GNPTAB: variants seen among roughly 807,000 people sequenced by gnomAD.
GNPTAB encodes the protein N-acetylglucosamine-1-phosphotransferase subunits alpha/beta.
A neutral mutation model predicts 136.6 loss-of-function variants in GNPTAB; 92 were observed. The observed-to-expected ratio is 0.67, with a 90% CI of 0.57 to 0.80. The LOEUF is 0.80. GNPTAB is among the 30% of genes least tolerant of loss of function. GNPTAB has a pLI of 0.00. For synonymous variants in GNPTAB, 512 were observed against 535.1 expected (o/e 0.96, Z 0.60); for missense variants, 1,343 against 1,501.8 (o/e 0.89, Z 1.75).
chr12:101,751,167 G>A (rs749140537), intron 19 of GNPTAB, among the ~76,000 whole-genome samples: 5 of 151,980 alleles, frequency 3.3e-5, no homozygotes, highest in Admixed American at 1.3e-4. Context: ...CTTTTTTCTC[G>A]ACACAGGACT....
In GNPTAB at chr12:101,770,574, A is replaced by C. The variant is rs2137124308; in HGVS notation, c.945T>G (p.Asp315Glu). The change falls in exon 9 of 21, where the codon GAT becomes GAG. Residue 315 changes from aspartate (D) to glutamate (E), a missense_variant. Asp to Glu is a conservative substitution (Grantham distance 45, BLOSUM62 2). Coordinates refer to ENST00000299314, the MANE Select transcript of GNPTAB (RefSeq NM_024312.5). ...DLSAISQSKQ[D>E]EDISASRFED... ...CAAAACGACTGGCAGAGATGTCTTC[A>C]TCCTGCTTAGACTGAGAAAAACACT... 9 of 1,611,870 alleles carry C rather than the reference A, an allele frequency of 5.6e-6. No individual in the cohort carries two copies. Among genetic ancestry groups the C allele is most frequent in the Middle Eastern group, 1.7e-4 (1 of 6,058 alleles).
intron 5 of GNPTAB, among the ~76,000 whole-genome samples, chr12:101,780,961 G>A (rs1209054028): frequency 6.6e-6 from 1 of 152,202 alleles, no homozygotes; most frequent in African/African-American, 2.4e-5. Context: ...AGAAAGAATT[G>A]TTTGACTAGA....
At chr12:101,757,740 A>G (rs1489489805) in intron 16 of GNPTAB, 83 bp from the exon 17 acceptor site, 2 of 778,698 alleles carry the variant, frequency 2.6e-6, no homozygotes, top group Admixed American at 1.7e-5. Context: ...TCTGATTTTT[A>G]ACTTTGATTC....
intron 1 of GNPTAB, among the ~76,000 whole-genome samples, chr12:101,809,368 A>G (rs752760993): frequency 1.4e-4 from 22 of 152,270 alleles, no homozygotes; most frequent in Non-Finnish European, 2.8e-4. Flanking sequence ...TTTGGAAGAC[A>G]GTTTGTCAGT....
intron 5 of GNPTAB, among the ~76,000 whole-genome samples, chr12:101,781,080 G>C (rs1178147533): frequency 6.6e-6 from 1 of 152,178 alleles, no homozygotes; most frequent in Non-Finnish European, 1.5e-5. Flanking sequence ...TATGGATCTT[G>C]TGGTTCCTTA....
intron 1 of GNPTAB, among the ~76,000 whole-genome samples, chr12:101,823,546 G>A (rs1256959353): frequency 6.7e-6 from 1 of 148,428 alleles, no homozygotes; most frequent in Non-Finnish European, 1.5e-5. Context: ...GGAGGTGCAG[G>A]TTGCAGTGAG....
intron 5 of GNPTAB, chr12:101,785,674 C>G (rs1166962948): frequency 3.9e-6 from 1 of 259,496 alleles, no homozygotes; most frequent in African/African-American, 2.3e-5. Flanking sequence ...GTATGTTCTG[C>G]CCAAACTGCA....
Position 101,779,905 on chromosome 12 carries a change from AT to A in GNPTAB, c.771+246del. Reference sequence around the variant, plus strand: ...CCTGGTTACTACTTGGATGGGAGACATTGTAGGAGCTCATCTGTTAAACAAA... The same window carrying A: ...CCTGGTTACTACTTGGATGGGAGACATGTAGGAGCTCATCTGTTAAACAAA... On this transcript the variant is annotated intron_variant, in intron 7 of 20. Coordinates refer to ENST00000299314, the MANE Select transcript of GNPTAB (RefSeq NM_024312.5). 6 of 522,248 alleles carry A rather than the reference AT, an allele frequency of 1.1e-5. No homozygotes were observed. In the South Asian group the frequency reaches 1.2e-4, roughly 11 times the overall value. The allele number at this position is 522,248 out of a possible 1,614,324, so 32.4% of individuals were successfully genotyped here.
At chr12:101,787,395 A>G (rs1175757798) in intron 4 of GNPTAB, among the ~76,000 whole-genome samples, 1 of 152,262 alleles carries the variant, frequency 6.6e-6, no homozygotes, top group East Asian at 1.9e-4. Context: ...CCCACAGATT[A>G]TAAACTACAA....
At position 101,786,076 on chromosome 12, in the gene GNPTAB, A is replaced by C; in HGVS notation, c.507T>G (p.Asn169Lys). The C allele has an allele frequency of 6.2e-7, 1 of 1,614,174 alleles. No individual in the cohort carries two copies. Among genetic ancestry groups the C allele is most frequent in the Non-Finnish European group, 8.5e-7 (1 of 1,180,006 alleles). Residue 169 changes from asparagine (N) to lysine (K), a missense_variant, in exon 5 of 21, where the codon AAT (asparagine) becomes AAG (lysine). Transcript: ENST00000299314. ...PSFHSASDIFNVAKPKNPSTN... is the reference protein window; with the variant it reads ...PSFHSASDIFKVAKPKNPSTN... ...TAGAAGGGTTTTTTGGTTTTGCAACATTGAAAATGTCACTGGCAGAATGAA... is the reference window on the plus strand; with the variant it reads ...TAGAAGGGTTTTTTGGTTTTGCAACCTTGAAAATGTCACTGGCAGAATGAA...
chr12:101,810,424 C>CATAT (rs1870162059), intron 1 of GNPTAB: 1 of 109,050 alleles, frequency 9.2e-6, no homozygotes, highest in African/African-American at 3.9e-5. Flanking sequence ...TATATATATA[C>CATAT]ACACACATAC....
intron 18 of GNPTAB, among the ~76,000 whole-genome samples, chr12:101,754,892 C>A (rs973951881): frequency 2.0e-5 from 3 of 151,958 alleles, no homozygotes; most frequent in African/African-American, 7.3e-5. Context: ...CAGATTTATT[C>A]ATATACACAT....
chr12:101,830,004 CAAAAAAAAAA>C (rs35884808), intron 1 of GNPTAB, among the ~76,000 whole-genome samples: 3 of 106,166 alleles, frequency 2.8e-5, no homozygotes, highest in Non-Finnish European at 6.1e-5. Context: ...AACCTCCTAC[CAAAAAAAAAA>C]AAAAAAAAGA....
intron 1 of GNPTAB, among the ~76,000 whole-genome samples, chr12:101,827,498 A>C (rs1383290008): frequency 6.6e-6 from 1 of 152,050 alleles, no homozygotes; most frequent in Non-Finnish European, 1.5e-5. Flanking sequence ...AGTCTCCCAA[A>C]GTCCTGGGAT....
At chr12:101,825,684 G>A (rs1566103679) in intron 1 of GNPTAB, among the ~76,000 whole-genome samples, 1 of 94,910 alleles carries the variant, frequency 1.1e-5, no homozygotes, top group African/African-American at 6.2e-5. Flanking sequence ...GGCATCTCTA[G>A]TATAAAATCC....
At chr12:101,806,918 C>G (rs1398264086) in intron 1 of GNPTAB, among the ~76,000 whole-genome samples, 1 of 152,082 alleles carries the variant, frequency 6.6e-6, no homozygotes, top group Non-Finnish European at 1.5e-5. Context: ...AGAACATTTC[C>G]TAATTCATTC....
At position 101,745,609 on chromosome 12, in the gene GNPTAB, T is replaced by C. The variant is rs1952721793; in HGVS notation, c.*1555A>G. The C allele has an allele frequency of 1.3e-5, 2 of 152,270 alleles. No homozygotes were observed. The highest frequency in any genetic ancestry group is 4.8e-5 in the African/African-American group (2 of 41,470). 9.4% of individuals were successfully genotyped at this position (152,270 alleles called of 1,614,324 possible). A position where few individuals can be genotyped will look rare whatever the true frequency, so the allele number is the denominator to read the frequency against. ...TTCTTTGTACAAAAGATGTATGCCA[T>C]TTTGGAAGAATATTGTTGAGATCAT... On this transcript the variant is annotated 3_prime_UTR_variant, in exon 21 of 21. Coordinates refer to ENST00000299314, the MANE Select transcript of GNPTAB (RefSeq NM_024312.5).
At chr12:101,786,527 T>C (rs573651079) in intron 4 of GNPTAB, among the ~76,000 whole-genome samples, 37 of 152,194 alleles carry the variant, frequency 2.4e-4, no homozygotes, top group Non-Finnish European at 4.6e-4. Flanking sequence ...AGATTATTCA[T>C]AATTCCAATA....
intron 1 of GNPTAB, among the ~76,000 whole-genome samples, chr12:101,803,620 TTC>T (rs5800489): frequency 0.098 from 14,942 of 152,264 alleles, 875 homozygotes; most frequent in Middle Eastern, 0.2. Context: ...CCTCTTTGGA[TTC>T]TCTACCGCAA....
Sources: gnomAD v4.1 joint callset for allele counts (sites outside exome capture counted in the v4.1 genomes callset) on GRCh38, gnomAD v4.1.1 for gene constraint, MANE v1.5 for transcripts, NCBI Gene and HGNC (gene_info 2026-07-23, HGNC 2026-07-21) for gene names.